SGCD: variants seen among roughly 807,000 people sequenced by gnomAD.
The protein encoded by SGCD is delta-sarcoglycan.
In SGCD, 18 loss-of-function variants were observed where a neutral mutation model predicts 36.6. The ratio of observed to expected loss-of-function variants is 0.49; its 90% CI spans 0.34 to 0.73. The LOEUF is 0.73. Among genes scored for constraint, SGCD ranks in the 30% least tolerant of loss-of-function variants. The pLI, the probability that SGCD is intolerant of heterozygous loss-of-function variation, is 0.01. For missense variants in SGCD, 387 were observed against 346.7 expected, an observed-to-expected ratio of 1.12 and a Z score of -0.92; for synonymous variants, 133 against 130.6, an observed-to-expected ratio of 1.02 and a Z score of -0.12.
chr5:156,400,781 C>T (rs1006209503), intron 3 of SGCD, among the ~76,000 whole-genome samples: 1 of 152,184 alleles, frequency 6.6e-6, no homozygotes, highest in African/African-American at 2.4e-5. Flanking sequence ...ATGTGTTATT[C>T]ATAAGTTTGC....
At chr5:156,399,289 G>C (rs1772020659) in intron 3 of SGCD, among the ~76,000 whole-genome samples, 2 of 152,174 alleles carry the variant, frequency 1.3e-5, no homozygotes, top group Non-Finnish European at 2.9e-5. Context: ...CTTAGCTATA[G>C]GATTTCTCAA....
chr5:155,942,004 G>C (rs1383660586), intron 1 of SGCD, among the ~76,000 whole-genome samples: 2 of 152,292 alleles, frequency 1.3e-5, no homozygotes, highest in African/African-American at 2.4e-5. Context: ...CTAATGGAGA[G>C]TTAGGGGAGG....
At chr5:156,675,569 C>A (rs1173998536) in intron 7 of SGCD, among the ~76,000 whole-genome samples, 1 of 152,080 alleles carries the variant, frequency 6.6e-6, no homozygotes, top group Non-Finnish European at 1.5e-5. Context: ...AAGGTATTTG[C>A]CTTTATATGA....
intron 3 of SGCD, among the ~76,000 whole-genome samples, chr5:156,455,777 A>G (rs915736814): frequency 6.6e-6 from 1 of 152,222 alleles, no homozygotes; most frequent in Non-Finnish European, 1.5e-5. Flanking sequence ...TTTTTTGGAA[A>G]TAGAATCTTT....
chr5:156,404,843 C>T (rs116090259), intron 3 of SGCD, among the ~76,000 whole-genome samples: 3,085 of 152,176 alleles, frequency 0.02, 100 homozygotes, highest in African/African-American at 0.07. Flanking sequence ...TCTAAGATGG[C>T]GGTCAAGATC....
chr5:155,790,328 T>C, the SGCD span, among the ~76,000 whole-genome samples: 27 of 152,080 alleles, frequency 1.8e-4, no homozygotes, highest in Non-Finnish European at 3.8e-4. Flanking sequence ...ACATTCTTAC[T>C]CTTCTTGACT....
At chr5:155,863,727 A>G in the SGCD span, among the ~76,000 whole-genome samples, 1 of 151,818 alleles carries the variant, frequency 6.6e-6, no homozygotes, top group Non-Finnish European at 1.5e-5. Context: ...TTCCCTATAG[A>G]TGTATCCCAG....
At chr5:155,760,119 CTCTCCATCATCA>C in the SGCD span, among the ~76,000 whole-genome samples, 1 of 151,100 alleles carries the variant, frequency 6.6e-6, no homozygotes, top group Admixed American at 6.6e-5. Flanking sequence ...CTCCATCAAC[CTCTCCATCATCA>C]TCTCCATCAC....
At chr5:155,904,370 C>T (rs184194546) in intron 1 of SGCD, among the ~76,000 whole-genome samples, 1 of 152,248 alleles carries the variant, frequency 6.6e-6, no homozygotes, top group East Asian at 1.9e-4. Flanking sequence ...ATACACTGAA[C>T]ATAAAATTAG....
intron 1 of SGCD, among the ~76,000 whole-genome samples, chr5:155,893,881 C>T (rs906051404): frequency 1.3e-5 from 2 of 152,202 alleles, no homozygotes; most frequent in African/African-American, 4.8e-5. Context: ...GCCTGTTACT[C>T]TTAGGCTACA....
intron 3 of SGCD, among the ~76,000 whole-genome samples, chr5:156,415,647 T>G (rs970090892): frequency 1.3e-5 from 2 of 152,174 alleles, no homozygotes; most frequent in Non-Finnish European, 2.9e-5. Flanking sequence ...AAAACTAAAG[T>G]GTAGCCCAGA....
At position 156,122,843 on chromosome 5, in the gene SGCD, T is replaced by TAAAAAAAAAAA. The variant is rs33983852; in HGVS notation, c.-207-982_-207-972dup. Among the ~76,000 whole-genome samples the TAAAAAAAAAAA allele has an allele frequency of 1.3e-4, 7 of 54,170 alleles. 2 individuals are homozygous for TAAAAAAAAAAA. Among genetic ancestry groups the TAAAAAAAAAAA allele is most frequent in the African/African-American group, 1.6e-4 (2 of 12,348 alleles). 35.5% of individuals were successfully genotyped at this position (54,170 alleles called of 152,430 possible). A position where few individuals can be genotyped will look rare whatever the true frequency, so the allele number is the denominator to read the frequency against. Reference sequence around the variant, plus strand: ...ACCAGCATGGTAGTAAAAGATGTGGTAAAAAAAAAAAAAAAAAAAAAAAAA... The same window carrying TAAAAAAAAAAA: ...ACCAGCATGGTAGTAAAAGATGTGGTAAAAAAAAAAAAAAAAAAAAAAAAAAAAAAAAAAAA... On this transcript the variant is annotated intron_variant, in intron 2 of 9. Transcript: ENST00000517913.
At chr5:155,952,659 A>C (rs1757569652) in intron 1 of SGCD, among the ~76,000 whole-genome samples, 1 of 152,174 alleles carries the variant, frequency 6.6e-6, no homozygotes. Flanking sequence ...TATCATGTCG[A>C]GTTCCCATAG....
intron 1 of SGCD, among the ~76,000 whole-genome samples, chr5:155,888,284 A>G (rs1756050077): frequency 1.3e-5 from 2 of 152,182 alleles, no homozygotes; most frequent in South Asian, 2.1e-4. Context: ...ACAAACTTTC[A>G]ATGGTTCTTC....
chr5:156,109,837 G>A (rs931192462), intron 1 of SGCD, among the ~76,000 whole-genome samples: 2 of 152,112 alleles, frequency 1.3e-5, no homozygotes, highest in African/African-American at 4.8e-5. Flanking sequence ...TGTCAGCACT[G>A]TGACAAATGT....
chr5:155,866,078 C>A (rs1156414056), upstream of SGCD, among the ~76,000 whole-genome samples: 1 of 152,158 alleles, frequency 6.6e-6, no homozygotes, highest in African/African-American at 2.4e-5. Flanking sequence ...TGTTATACTT[C>A]AGTGAGCAGC....
intron 1 of SGCD, among the ~76,000 whole-genome samples, chr5:155,985,881 T>G (rs1195687653): frequency 2.0e-5 from 3 of 152,116 alleles, no homozygotes; most frequent in Non-Finnish European, 4.4e-5. Flanking sequence ...CTTTTCCCCT[T>G]TCACAGAAAT....
chr5:156,330,482 T>C (rs922873136), intron 2 of SGCD, among the ~76,000 whole-genome samples: 2 of 152,188 alleles, frequency 1.3e-5, no homozygotes, highest in East Asian at 1.9e-4. Context: ...TCACAACCTA[T>C]GATTTTTGTA....
intron 7 of SGCD, among the ~76,000 whole-genome samples, chr5:156,740,782 G>A (rs529147143): frequency 3.3e-5 from 5 of 152,266 alleles, no homozygotes; most frequent in African/African-American, 9.6e-5. Context: ...CTGGCATTCC[G>A]ATTTAATTTG....
Sources: allele counts gnomAD v4.1 joint callset (sites outside exome capture counted in the v4.1 genomes callset), GRCh38; gene constraint gnomAD v4.1.1; transcripts MANE v1.5; gene names NCBI Gene and HGNC (gene_info 2026-07-23, HGNC 2026-07-21).